The following DAOA variants were observed in gnomAD, a reference collection of about 807,000 sequenced individuals.
DAOA encodes the protein D-amino acid oxidase regulator.
A neutral mutation model predicts 16.4 loss-of-function variants in DAOA; 15 were observed. That is an observed-to-expected ratio of 0.91 (90% confidence interval 0.61 to 1.41). The LOEUF is 1.41. Ranked by LOEUF, DAOA falls within the 40% of genes most tolerant of loss-of-function variation. The pLI, the probability that DAOA is intolerant of heterozygous loss-of-function variation, is 0.00. For missense variants in DAOA, 230 were observed against 176.8 expected (o/e 1.30, Z -1.71); for synonymous variants, 75 against 59.1 (o/e 1.27, Z -1.23).
intron 2 of DAOA, chr13:105,466,560 C>T: frequency 1.6e-6 from 1 of 624,410 alleles, no homozygotes; most frequent in Non-Finnish European, 2.6e-6. Flanking sequence ...AGACATAGGC[C>T]CTCACCTATC....
intron 1 of DAOA, 27 bp downstream of exon 1, chr13:105,466,087 A>G (rs529532371): frequency 8.8e-5 from 61 of 697,106 alleles, no homozygotes; most frequent in Non-Finnish European, 1.3e-4. Context: ...TACATACATA[A>G]CAGTGAGCAA....
intron 3 of DAOA, among the ~76,000 whole-genome samples, chr13:105,468,345 A>T (rs905364902): frequency 6.6e-6 from 1 of 152,178 alleles, no homozygotes; most frequent in East Asian, 1.9e-4. Flanking sequence ...TGATAGCATA[A>T]TTAAAACATT....
chr13:105,489,937 C>A lies in DAOA; in HGVS notation c.318C>A (p.Phe106Leu). The change falls in exon 5 of 6, where the codon TTC becomes TTA. Residue 106 changes from phenylalanine (F) to leucine (L), a missense_variant. Phe to Leu is a conservative substitution (Grantham distance 22, BLOSUM62 0). Coordinates refer to ENST00000375936, the MANE Select transcript of DAOA (RefSeq NM_172370.5). Reference protein sequence around the residue: ...EEVSSHVGKVFMARNYEFLAY... With the variant: ...EEVSSHVGKVLMARNYEFLAY... ...TAAGCAGCCATGTTGGAAAAGTCTT[C>A]ATGGCAAGAAACTATGAGTTCCTTG... The A allele has an allele frequency of 6.2e-7, 1 of 1,613,894 alleles. No individual in the cohort carries two copies. The highest frequency in any genetic ancestry group is 8.5e-7 in the Non-Finnish European group (1 of 1,179,902).
At chr13:105,489,787 G>A (rs1878379990) in intron 4 of DAOA, 114 bp from the exon 5 acceptor site, 1 of 1,606,658 alleles carries the variant, frequency 6.2e-7, no homozygotes, top group African/African-American at 1.3e-5. Flanking sequence ...CTTGAATGTG[G>A]GCAGGAGCTG....
At chr13:105,480,860 G>A (rs2139191914) in intron 4 of DAOA, among the ~76,000 whole-genome samples, 1 of 152,186 alleles carries the variant, frequency 6.6e-6, no homozygotes, top group African/African-American at 2.4e-5. Flanking sequence ...ATTCCATCTG[G>A]GCCATCAGCT....
intron 4 of DAOA, among the ~76,000 whole-genome samples, chr13:105,475,848 T>C (rs75627528): frequency 0.037 from 5,655 of 152,274 alleles, 135 homozygotes; most frequent in South Asian, 0.063. Context: ...GTAGTGTCTT[T>C]ATTGGAATAT....
At chr13:105,482,419 C>T (rs79863858) in intron 4 of DAOA, among the ~76,000 whole-genome samples, 5,626 of 151,598 alleles carry the variant, frequency 0.037, 136 homozygotes, top group South Asian at 0.063. Flanking sequence ...CCTTAGCTTC[C>T]GTGGGAGCTC....
chr13:105,486,617 C>T (rs1594119501), intron 4 of DAOA, among the ~76,000 whole-genome samples: 1 of 132,254 alleles, frequency 7.6e-6, no homozygotes, highest in Admixed American at 7.7e-5. Flanking sequence ...TTCTTTCTTT[C>T]TTTCTTTTTT....
At chr13:105,473,774 A>T (rs2139177404) in intron 4 of DAOA, among the ~76,000 whole-genome samples, 1 of 152,258 alleles carries the variant, frequency 6.6e-6, no homozygotes, top group East Asian at 1.9e-4. Flanking sequence ...AAGCAAAGTT[A>T]AATTTAGACG....
Position 105,466,279 on chromosome 13 carries a change from A to T in DAOA, c.-10A>T. On this transcript the variant is annotated 5_prime_UTR_variant, in exon 2 of 6. Transcript: ENST00000375936. The stretch of plus-strand genomic sequence containing the variant: ...TCACAATGCCGATGATTTAGCTGGG[A>T]GGACCCAAAATGCTGGAAAAGCTGA... 6.2e-7 allele frequency: 1 copy of T among 1,614,028 alleles called. No individual in the cohort carries two copies. Among genetic ancestry groups the T allele is most frequent in the Non-Finnish European group, 8.5e-7 (1 of 1,179,944 alleles).
intron 4 of DAOA, among the ~76,000 whole-genome samples, chr13:105,475,310 A>T (rs919681566): frequency 1.3e-5 from 2 of 152,168 alleles, no homozygotes; most frequent in Admixed American, 1.3e-4. Flanking sequence ...GCTTTATTAA[A>T]CTGTTCAAAA....
rs1484757808 is a variant in DAOA, at chr13:105,466,237, G to A, written c.-52G>A. On this transcript the variant is annotated 5_prime_UTR_variant, in exon 2 of 6. Coordinates refer to ENST00000375936, the MANE Select transcript of DAOA (RefSeq NM_172370.5). Reference sequence around the variant, plus strand: ...CCAGGATTTGGAAAGGGCATGGCAGGAGGTCTCATCTCTGCTTCACAATGC... The same window carrying A: ...CCAGGATTTGGAAAGGGCATGGCAGAAGGTCTCATCTCTGCTTCACAATGC... 5.6e-6 allele frequency: 9 copies of A among 1,612,566 alleles called. No homozygotes were observed. The African/African-American group carries it at 8.0e-5, about 14-fold the overall frequency.
At chr13:105,489,788 G>C in intron 4 of DAOA, 113 bp from the exon 5 acceptor site, 1 of 1,606,828 alleles carries the variant, frequency 6.2e-7, no homozygotes, top group Non-Finnish European at 8.5e-7. Context: ...TTGAATGTGG[G>C]CAGGAGCTGG....
At position 105,471,256 on chromosome 13, in the gene DAOA, T is replaced by C. The variant is rs113631041; in HGVS notation, c.134-1282T>C. On this transcript the variant is annotated intron_variant, in intron 3 of 5. Coordinates refer to ENST00000375936, the MANE Select transcript of DAOA (RefSeq NM_172370.5). ...CAATTTTTAAAATACAGTTTGATAA[T>C]TGAGTTAAAGCCACTATACAGAGAA... Among the ~76,000 whole-genome samples, 1,067 of 152,286 alleles carry C rather than the reference T, an allele frequency of 7.0e-3. 12 individuals are homozygous for C. Among genetic ancestry groups the C allele is most frequent in the African/African-American group, 0.024 (1,005 of 41,552 alleles).
At chr13:105,481,634 A>G (rs957867173) in intron 4 of DAOA, among the ~76,000 whole-genome samples, 2 of 152,084 alleles carry the variant, frequency 1.3e-5, no homozygotes, top group African/African-American at 2.4e-5. Context: ...ATCTGCTCTT[A>G]TCTCTCCAAT....
Position 105,472,541 on chromosome 13 carries a change from A to G in DAOA, c.137A>G (p.Lys46Arg), listed in dbSNP as rs1303270469. 6.2e-7 allele frequency: 1 copy of G among 1,613,588 alleles called. No homozygotes were observed. Among genetic ancestry groups the G allele is most frequent in the East Asian group, 2.2e-5 (1 of 44,826 alleles). Residue 46 changes from lysine (K) to arginine (R), a missense_variant, in exon 4 of 6, where the codon AAG becomes AGG. Transcript: ENST00000375936. The part of the protein sequence containing the change: ...KSENSLNSIA[K>R]ETEEGRETVT... ...ATCCACTTAAATACTGTTGCAGCAA[A>G]GGAGACAGAAGAAGGAAGAGAGACG...
intron 4 of DAOA, among the ~76,000 whole-genome samples, chr13:105,487,725 AG>A (rs1233057504): frequency 1.3e-5 from 2 of 152,188 alleles, no homozygotes; most frequent in South Asian, 2.1e-4. Flanking sequence ...TTAAAATAAA[AG>A]TTTTATACAA....
chr13:105,473,158 T>A (rs1028998860), intron 4 of DAOA, among the ~76,000 whole-genome samples: 1 of 141,636 alleles, frequency 7.1e-6, no homozygotes, highest in African/African-American at 2.9e-5. Flanking sequence ...TACGTGAGAG[T>A]GTGTGTGTGT....
chr13:105,484,855 A>G (rs754201283), intron 4 of DAOA, among the ~76,000 whole-genome samples: 6 of 152,310 alleles, frequency 3.9e-5, no homozygotes, highest in South Asian at 2.1e-4. Flanking sequence ...AGAAATATTG[A>G]AAGCAGACAA....
Sources: allele counts gnomAD v4.1 joint callset (sites outside exome capture counted in the v4.1 genomes callset), GRCh38; gene constraint gnomAD v4.1.1; transcripts MANE v1.5; gene names NCBI Gene and HGNC (gene_info 2026-07-23, HGNC 2026-07-21).